Variants in CHRNA2 observed in about 807,000 individuals in gnomAD.
CHRNA2 encodes neuronal acetylcholine receptor subunit alpha-2.
A neutral mutation model predicts 45.5 loss-of-function variants in CHRNA2; 40 were observed. The ratio of observed to expected loss-of-function variants is 0.88; its 90% CI spans 0.68 to 1.15. The LOEUF (loss-of-function observed/expected upper bound fraction) is 1.15. CHRNA2 is among the 50% of genes most tolerant of loss of function. CHRNA2 has a pLI of 0.00. For missense variants in CHRNA2, 655 were observed against 701.7 expected, an observed-to-expected ratio of 0.93 and a Z score of 0.75; for synonymous variants, 301 against 296.7, an observed-to-expected ratio of 1.01 and a Z score of -0.15.
chr8:27,463,469 A>G lies in CHRNA2; in HGVS notation c.974T>C (p.Ile325Thr). 1 of 1,614,182 alleles carries G rather than the reference A, an allele frequency of 6.2e-7. No individual in the cohort carries two copies. Among genetic ancestry groups the G allele is most frequent in the Non-Finnish European group, 8.5e-7 (1 of 1,180,028 alleles). Residue 325 changes from isoleucine (I) to threonine (T), a missense_variant, in exon 6 of 7, where the codon ATC (isoleucine) becomes ACC (threonine). Transcript: ENST00000407991. The surrounding 1 kb of genome is among the most constrained non-coding windows in gnomAD (Gnocchi z 6.1). ...TEIIPSTSLV[I>T]PLIGEYLLFT... is the part of the protein sequence containing the mutation. ...CAGCAGGTACTCGCCGATGAGCGGG[A>G]TGACCAGCGAGGTGGACGGGATGAT...
chr8:27,471,198 A>G lies in CHRNA2; in HGVS notation c.-136-4T>C. ...AGGCTTCCTCTCACCACCGAACCTGAGCAAGCCCAAGAAAGGGCTCTTAGG... is the reference window on the plus strand; with the variant it reads ...AGGCTTCCTCTCACCACCGAACCTGGGCAAGCCCAAGAAAGGGCTCTTAGG... On this transcript the variant is annotated splice_polypyrimidine_tract_variant and splice_region_variant and intron_variant, in intron 1 of 6. Transcript: ENST00000407991. 5.3e-6 allele frequency: 4 copies of G among 759,978 alleles called. No individual in the cohort carries two copies. The allele number at this position is 759,978 out of a possible 1,614,324, so 47.1% of individuals were successfully genotyped here.
chr8:27,465,441 A>AG (rs1239717486), intron 5 of CHRNA2, among the ~76,000 whole-genome samples: 2 of 151,134 alleles, frequency 1.3e-5, no homozygotes, highest in African/African-American at 4.9e-5. Context: ...GTTAAAAAAA[A>AG]TTTTTTTTTG....
rs1813118022 is a variant in CHRNA2 at position 27,478,144 on chromosome 8, A to G, written c.-137+680T>C. On this transcript the variant is annotated intron_variant, in intron 1 of 6. Transcript: ENST00000407991. ...TCTGCTGTCCAGAACCTCCCCAAGC[A>G]TACAGGTCTCAGCTTTTTCACAACT... 1.3e-5 allele frequency among the ~76,000 whole-genome samples: 2 copies of G among 152,196 alleles called. 1 individual carries two copies. Among genetic ancestry groups the G allele is most frequent in the South Asian group, 4.1e-4 (2 of 4,826 alleles).
intron 4 of CHRNA2, chr8:27,467,578 C>T (rs1436822280): frequency 1.9e-6 from 1 of 514,044 alleles, no homozygotes; most frequent in East Asian, 3.5e-5. Flanking sequence ...ATGAAGTTCA[C>T]CCTTGTCCTG....
At chr8:27,475,726 C>CA (rs1203738512) in intron 1 of CHRNA2, among the ~76,000 whole-genome samples, 5 of 152,214 alleles carry the variant, frequency 3.3e-5, no homozygotes, top group Non-Finnish European at 5.9e-5. Context: ...TATTTTACCA[C>CA]AAAAATAGTC....
Position 27,463,465 on chromosome 8 carries a change from C to A in CHRNA2, c.978G>T (p.Pro326=). The change falls in exon 6 of 7, where the codon CCG becomes CCT. Residue 326 remains proline (P), a synonymous_variant. Coordinates refer to ENST00000407991, the MANE Select transcript of CHRNA2 (RefSeq NM_000742.4). This position sits in a 1 kb window ranked among gnomAD's most constrained non-coding sequence, Gnocchi z 6.1. The part of the protein sequence containing the change: ...EIIPSTSLVI[P]LIGEYLLFTM... ...TGAACAGCAGGTACTCGCCGATGAG[C>A]GGGATGACCAGCGAGGTGGACGGGA... The A allele has an allele frequency of 6.2e-7, 1 of 1,614,122 alleles. No individual in the cohort carries two copies. Among genetic ancestry groups the A allele is most frequent in the Non-Finnish European group, 8.5e-7 (1 of 1,180,026 alleles).
In CHRNA2 at chr8:27,467,308, G is replaced by T. The variant is rs374195332; in HGVS notation, c.370C>A (p.Pro124Thr). Residue 124 changes from proline to threonine, a missense_variant, in exon 5 of 7, where the codon CCC (proline) becomes ACC (threonine). This residue lies in a region of CHRNA2 where 323 missense variants were observed against 354.4 expected (regional missense o/e 0.91). Transcript: ENST00000407991. The part of the protein sequence containing the change: ...EWSDYKLRWN[P>T]TDFGNITSLR... The stretch of plus-strand genomic sequence containing the variant: ...GATGTGATGTTGCCAAAATCAGTGG[G>T]GTTCCAGCGCAGTTTGTAGTCGCTC... The T allele has an allele frequency of 3.1e-6, 5 of 1,613,782 alleles. No homozygotes were observed. In the African/African-American group the frequency reaches 6.7e-5, roughly 22 times the overall value.
At position 27,463,200 on chromosome 8, in the gene CHRNA2, C is replaced by A; in HGVS notation, c.1243G>T (p.Val415Leu). ...ESNVDAEEREVVVEEEDRWAC... is the reference protein window; with the variant it reads ...ESNVDAEERELVVEEEDRWAC... ...CATCTGTCCTCCTCCTCCACCACCA[C>A]CTCCCTCTCCTCGGCATCCACGTTG... The change falls in exon 6 of 7, where the codon GTG (valine) becomes TTG (leucine). Residue 415 changes from valine to leucine, a missense_variant. Physicochemically the swap from Val to Leu is conservative, Grantham distance 32. Transcript: ENST00000407991. This position sits in a 1 kb window ranked among gnomAD's most constrained non-coding sequence, Gnocchi z 6.1. 6.3e-7 allele frequency: 1 copy of A among 1,588,734 alleles called. No homozygotes were observed. Among genetic ancestry groups the A allele is most frequent in the South Asian group, 1.1e-5 (1 of 87,220 alleles).
intron 6 of CHRNA2, among the ~76,000 whole-genome samples, chr8:27,462,584 A>G (rs1812529563): frequency 6.6e-6 from 1 of 152,160 alleles, no homozygotes; most frequent in African/African-American, 2.4e-5. Context: ...CAAAAGACAA[A>G]GGCTGACACT....
At chr8:27,477,958 C>A (rs1489205427) in intron 1 of CHRNA2, among the ~76,000 whole-genome samples, 2 of 152,198 alleles carry the variant, frequency 1.3e-5, no homozygotes, top group Non-Finnish European at 2.9e-5. Flanking sequence ...TCTAGCCTGC[C>A]TGAATCCTGG....
At chr8:27,462,830 C>T in intron 6 of CHRNA2, 149 bp downstream of exon 6, 3 of 938,100 alleles carry the variant, frequency 3.2e-6, no homozygotes, top group Non-Finnish European at 5.0e-6. Flanking sequence ...TGCTCTCTTG[C>T]TATTTATTCC....
chr8:27,477,622 G>A (rs1813099437), intron 1 of CHRNA2, among the ~76,000 whole-genome samples: 1 of 152,056 alleles, frequency 6.6e-6, no homozygotes, highest in Non-Finnish European at 1.5e-5. Context: ...TTTGTCACTG[G>A]AAACCAAAGG....
rs1360369489 is a variant in CHRNA2, at chr8:27,463,202, TC to T, written c.1240del (p.Glu414ArgfsTer76). ...LESNVDAEER[E>X]VVVEEEDRWA... is the part of the protein sequence containing the mutation. ...TCTGTCCTCCTCCTCCACCACCACC[TC>T]CCTCTCCTCGGCATCCACGTTGCTC... On this transcript the variant is annotated frameshift_variant, in exon 6 of 7. Transcript: ENST00000407991. LOFTEE classifies it high-confidence loss of function. This position sits in a 1 kb window ranked among gnomAD's most constrained non-coding sequence, Gnocchi z 6.1. The T allele has an allele frequency of 1.1e-5, 17 of 1,588,744 alleles. No homozygotes were observed. Among genetic ancestry groups the T allele is most frequent in the African/African-American group, 2.7e-5 (2 of 74,534 alleles).
intron 1 of CHRNA2, among the ~76,000 whole-genome samples, chr8:27,472,991 A>T (rs1340281897): frequency 1.3e-5 from 2 of 152,224 alleles, no homozygotes; most frequent in African/African-American, 4.8e-5. Context: ...AATGTTTCAT[A>T]TGAAATGAAT....
chr8:27,470,908 C>G, intron 2 of CHRNA2, 78 bp downstream of exon 2: 1 of 1,461,544 alleles, frequency 6.8e-7, no homozygotes, highest in Non-Finnish European at 9.6e-7. Flanking sequence ...AACACATCCA[C>G]CTGCAGACTC....
At chr8:27,469,529 T>C (rs892485601) in intron 3 of CHRNA2, 150 bp from the exon 4 acceptor site, 72 of 923,136 alleles carry the variant, frequency 7.8e-5, no homozygotes, top group Non-Finnish European at 1.2e-4. Flanking sequence ...CCACCCTTAC[T>C]CAGATTCTCC....
At chr8:27,467,097 G>C in intron 5 of CHRNA2, 132 bp downstream of exon 5, 1 of 704,516 alleles carries the variant, frequency 1.4e-6, no homozygotes, top group Non-Finnish European at 2.6e-6. Context: ...AGAGGTAGGG[G>C]AGGCATGCTC....
At chr8:27,470,047 G>T (rs1812828631) in intron 2 of CHRNA2, 66 bp from the exon 3 acceptor site, 1 of 1,400,022 alleles carries the variant, frequency 7.1e-7, no homozygotes, top group Admixed American at 1.9e-5. Flanking sequence ...AAATGGAGAT[G>T]CTTATCCAGA....
chr8:27,473,393 A>T (rs1456923431), intron 1 of CHRNA2, among the ~76,000 whole-genome samples: 1 of 152,200 alleles, frequency 6.6e-6, no homozygotes, highest in African/African-American at 2.4e-5. Flanking sequence ...TAAGGGTAAA[A>T]GTGGCTTTAA....
Sources: gnomAD v4.1 joint callset for allele counts (sites outside exome capture counted in the v4.1 genomes callset) on GRCh38, gnomAD v4.1.1 for gene constraint, gnomAD v4.1.1 regional missense constraint, Gnocchi (gnomAD v3.1) non-coding constraint, MANE v1.5 for transcripts, NCBI Gene and HGNC (gene_info 2026-07-23, HGNC 2026-07-21) for gene names.